VGLL4: variants seen among roughly 807,000 people sequenced by gnomAD.
VGLL4 encodes the protein transcription cofactor vestigial-like protein 4.
VGLL4 carries 7 observed loss-of-function variants against 21.0 expected under a neutral mutation model. The ratio of observed to expected loss-of-function variants is 0.33; its 90% CI spans 0.19 to 0.63. VGLL4 has a LOEUF of 0.63. Ranked by LOEUF, VGLL4 falls within the 20% of genes least tolerant of loss-of-function variation. The pLI is 0.78. For synonymous variants in VGLL4, 222 were observed against 173.2 expected (o/e 1.28, Z -2.21); for missense variants, 394 against 425.7 (o/e 0.93, Z 0.66).
chr3:11,685,181 C>T (rs1210729510), intron 2 of VGLL4, among the ~76,000 whole-genome samples: 1 of 148,762 alleles, frequency 6.7e-6, no homozygotes, highest in African/African-American at 2.5e-5. Context: ...TTTGTAGCTG[C>T]ATAGTATTCC....
chr3:11,614,844 C>A (rs1031946734), intron 1 of VGLL4, among the ~76,000 whole-genome samples: 20 of 152,162 alleles, frequency 1.3e-4, no homozygotes, highest in Admixed American at 9.8e-4. Flanking sequence ...CTTCAGTCAA[C>A]CTTACTGCTG....
chr3:11,571,334 C>G (rs1052328580), intron 2 of VGLL4, among the ~76,000 whole-genome samples: 1 of 152,208 alleles, frequency 6.6e-6, no homozygotes, highest in Non-Finnish European at 1.5e-5. Flanking sequence ...GCGAATGCCG[C>G]CACAGCCAGC....
At chr3:11,642,642 C>T (rs2075716559) in intron 1 of VGLL4, among the ~76,000 whole-genome samples, 1 of 152,206 alleles carries the variant, frequency 6.6e-6, no homozygotes, top group Admixed American at 6.5e-5. Context: ...AGAGGATGTC[C>T]GAGGGCTTAA....
At chr3:11,688,428 A>C (rs1460111219) in intron 2 of VGLL4, among the ~76,000 whole-genome samples, 1 of 152,226 alleles carries the variant, frequency 6.6e-6, no homozygotes, top group Admixed American at 6.5e-5. Flanking sequence ...AATTTTTACC[A>C]TGATTATTGA....
rs544164888 is a variant in VGLL4 at position 11,670,732 on chromosome 3, T to C, written c.64+32239A>G. On this transcript the variant is annotated intron_variant, in intron 2 of 5. Coordinates refer to the VGLL4 transcript ENST00000273038. ...TCCTGCCTGGATATTAATGGGCACCTGCCACATAAAAGAGAGAGTGGTGGG... is the reference window on the plus strand; with the variant it reads ...TCCTGCCTGGATATTAATGGGCACCCGCCACATAAAAGAGAGAGTGGTGGG... Among the ~76,000 whole-genome samples the C allele has an allele frequency of 5.3e-5, 8 of 152,290 alleles. No individual in the cohort carries two copies. In the South Asian group the frequency reaches 8.3e-4, roughly 16 times the overall value.
intron 3 of VGLL4, among the ~76,000 whole-genome samples, chr3:11,560,208 G>A (rs928180721): frequency 3.9e-5 from 6 of 152,142 alleles, no homozygotes; most frequent in African/African-American, 9.7e-5. Context: ...CAAGTGCATC[G>A]GTCTGTCCAG....
intron 2 of VGLL4, chr3:11,671,242 A>T (rs760219435): frequency 6.4e-6 from 10 of 1,558,990 alleles, no homozygotes; most frequent in East Asian, 2.3e-5. Flanking sequence ...AAAATGTGAA[A>T]ATCAAAAGAA....
chr3:11,580,576 G>T (rs1178357680), intron 2 of VGLL4, among the ~76,000 whole-genome samples: 1 of 152,194 alleles, frequency 6.6e-6, no homozygotes, highest in Non-Finnish European at 1.5e-5. Flanking sequence ...GGTAGTAAAG[G>T]AGGTGGGAAG....
chr3:11,609,300 TCA>T (rs2075010826), intron 1 of VGLL4, among the ~76,000 whole-genome samples: 1 of 152,214 alleles, frequency 6.6e-6, no homozygotes, highest in South Asian at 2.1e-4. Flanking sequence ...TTACTGCTCA[TCA>T]AGAAATACTT....
intron 2 of VGLL4, among the ~76,000 whole-genome samples, chr3:11,697,032 C>T (rs752456810): frequency 1.3e-5 from 2 of 152,124 alleles, no homozygotes; most frequent in African/African-American, 2.4e-5. Context: ...TGTAAGCCAC[C>T]ACCTGAGCCA....
At chr3:11,676,409 AATAAAATAATAAT>A (rs2076292555) in intron 2 of VGLL4, among the ~76,000 whole-genome samples, 2 of 30,114 alleles carry the variant, frequency 6.6e-5, no homozygotes, top group African/African-American at 1.7e-4. Flanking sequence ...AAAAAAAAAA[AATAAAATAATAAT>A]AATAATAATA....
chr3:11,641,691 C>CTTCA (rs2075690400), intron 1 of VGLL4, among the ~76,000 whole-genome samples: 1 of 152,146 alleles, frequency 6.6e-6, no homozygotes, highest in African/African-American at 2.4e-5. Flanking sequence ...ACCAAACAGA[C>CTTCA]TTCAGCCCAT....
chr3:11,570,913 G>A (rs1452143095), intron 2 of VGLL4, among the ~76,000 whole-genome samples: 6 of 152,172 alleles, frequency 3.9e-5, no homozygotes, highest in African/African-American at 1.2e-4. Context: ...CTGCTTCCCA[G>A]TGAGCAACAA....
At chr3:11,682,289 C>T (rs908592640) in intron 2 of VGLL4, among the ~76,000 whole-genome samples, 1 of 151,596 alleles carries the variant, frequency 6.6e-6, no homozygotes, top group African/African-American at 2.4e-5. Context: ...CCTGTAATCC[C>T]AGCTACTTGG....
At chr3:11,688,822 C>T (rs1178934835) in intron 2 of VGLL4, among the ~76,000 whole-genome samples, 2 of 152,114 alleles carry the variant, frequency 1.3e-5, no homozygotes, top group Non-Finnish European at 2.9e-5. Context: ...AGTTCAAGAC[C>T]ACCCTGGTCA....
At chr3:11,630,367 G>A (rs1417741608) in intron 1 of VGLL4, among the ~76,000 whole-genome samples, 6 of 152,126 alleles carry the variant, frequency 3.9e-5, no homozygotes, top group African/African-American at 9.7e-5. Context: ...GTTCCTGGCC[G>A]GGCGTGGTGG....
In VGLL4 at chr3:11,674,097, C is replaced by T. The variant is rs189515477; in HGVS notation, c.64+28874G>A. Among the ~76,000 whole-genome samples, 56 of 151,444 alleles carry T rather than the reference C, an allele frequency of 3.7e-4. 1 individual carries two copies. Among genetic ancestry groups the T allele is most frequent in the African/African-American group, 1.3e-3 (55 of 41,264 alleles). On this transcript the variant is annotated intron_variant, in intron 2 of 5. Transcript: ENST00000273038. ...CACAAAGCCAGAAGGCAATGGAGCT[C>T]GCCTCCAAAACCCTGAAGAAAAATC... is the stretch of plus-strand genomic sequence containing the variant.
chr3:11,569,982 C>T (rs1388555271), intron 2 of VGLL4, among the ~76,000 whole-genome samples: 3 of 152,172 alleles, frequency 2.0e-5, no homozygotes, highest in Non-Finnish European at 4.4e-5. Flanking sequence ...TTAAAGTGGT[C>T]AGCTGTATGC....
rs1469929539 is a variant in VGLL4 at position 11,557,637 on chromosome 3, T to C, written c.*919A>G. On this transcript the variant is annotated 3_prime_UTR_variant, in exon 5 of 5. Coordinates refer to ENST00000430365, the MANE Select transcript of VGLL4 (RefSeq NM_001128219.3). ...CAGTAAGTATATCTAGGACTGTAACTGACAAAAATAAACTAATTCTGAAAA... is the reference window on the plus strand; with the variant it reads ...CAGTAAGTATATCTAGGACTGTAACCGACAAAAATAAACTAATTCTGAAAA... 6.5e-6 allele frequency: 1 copy of C among 152,764 alleles called. No individual in the cohort carries two copies. Among genetic ancestry groups the C allele is most frequent in the African/African-American group, 2.4e-5 (1 of 41,474 alleles). 9.5% of individuals were successfully genotyped at this position (152,764 alleles called of 1,614,324 possible).
Sources: allele counts gnomAD v4.1 joint callset (sites outside exome capture counted in the v4.1 genomes callset), GRCh38; gene constraint gnomAD v4.1.1; transcripts MANE v1.5; gene names NCBI Gene and HGNC (gene_info 2026-07-23, HGNC 2026-07-21).